Variants in ARL8B observed in about 807,000 individuals in gnomAD.
ARL8B encodes the protein ADP-ribosylation factor-like protein 8B.
A neutral mutation model predicts 30.6 loss-of-function variants in ARL8B; 9 were observed. The observed-to-expected ratio is 0.29, with a 90% CI of 0.18 to 0.51. The LOEUF is 0.51. Among genes scored for constraint, ARL8B ranks in the 20% least tolerant of loss-of-function variants. The pLI is 0.97. For missense variants in ARL8B, 130 were observed against 227.2 expected, an observed-to-expected ratio of 0.57 and a Z score of 2.75; for synonymous variants, 74 against 76.0, an observed-to-expected ratio of 0.97 and a Z score of 0.14.
intron 1 of ARL8B, among the ~76,000 whole-genome samples, chr3:5,163,236 C>T (rs1380734211): frequency 6.6e-6 from 1 of 152,100 alleles, no homozygotes; most frequent in Non-Finnish European, 1.5e-5. Context: ...ATCCGCCCGC[C>T]TCAGCCTCGA....
In ARL8B at chr3:5,155,085, T is replaced by C. The variant is rs76094576; in HGVS notation, c.124-15418T>C. ...CTGCAGAATTCCCTTTATTTTATCTTACAGGTCAGGTCTAGTAGTAATTTC... is the reference window on the plus strand; with the variant it reads ...CTGCAGAATTCCCTTTATTTTATCTCACAGGTCAGGTCTAGTAGTAATTTC... On this transcript the variant is annotated intron_variant, in intron 1 of 6. Coordinates refer to ENST00000256496, the MANE Select transcript of ARL8B (RefSeq NM_018184.3). Among the ~76,000 whole-genome samples the C allele has an allele frequency of 8.8e-3, 1,347 of 152,356 alleles. 18 individuals carry two copies. Among genetic ancestry groups the C allele is most frequent in the African/African-American group, 0.03 (1,265 of 41,576 alleles).
chr3:5,145,726 A>G (rs1359794817), intron 1 of ARL8B, among the ~76,000 whole-genome samples: 2 of 152,226 alleles, frequency 1.3e-5, no homozygotes, highest in Non-Finnish European at 2.9e-5. Flanking sequence ...TTTCAGATAC[A>G]CAATCTTTGT....
At chr3:5,168,118 AT>A (rs2054639870) in intron 1 of ARL8B, among the ~76,000 whole-genome samples, 1 of 152,148 alleles carries the variant, frequency 6.6e-6, no homozygotes, top group Admixed American at 6.5e-5. Context: ...CAGTGGCACA[AT>A]CTTGTCTTAA....
intron 1 of ARL8B, among the ~76,000 whole-genome samples, chr3:5,138,315 T>C (rs1036429505): frequency 6.6e-6 from 1 of 152,152 alleles, no homozygotes; most frequent in South Asian, 2.1e-4. Context: ...TTTGTACAAA[T>C]AATGACTCTC....
At chr3:5,159,027 G>A (rs1188794752) in intron 1 of ARL8B, among the ~76,000 whole-genome samples, 1 of 152,000 alleles carries the variant, frequency 6.6e-6, no homozygotes, top group Non-Finnish European at 1.5e-5. Flanking sequence ...GGGAGGCCAA[G>A]GTTGGAGGAT....
intron 1 of ARL8B, chr3:5,156,847 C>T (rs76851757): frequency 0.075 from 11,404 of 152,378 alleles, 483 homozygotes; most frequent in East Asian, 0.13. Context: ...CCTGCCTCCC[C>T]GCCCCCAGCC....
At chr3:5,126,105 G>A (rs1045777114) in intron 1 of ARL8B, among the ~76,000 whole-genome samples, 2 of 147,392 alleles carry the variant, frequency 1.4e-5, no homozygotes, top group African/African-American at 2.6e-5. Flanking sequence ...GACCCCCTCA[G>A]TGAATTTCAT....
chr3:5,178,769 G>C lies in ARL8B; in HGVS notation c.*56G>C, dbSNP rs115131604. The C allele has an allele frequency of 1.2e-6, 2 of 1,607,844 alleles. No homozygotes were observed. The highest frequency in any genetic ancestry group is 1.7e-6 in the Non-Finnish European group (2 of 1,179,002). On this transcript the variant is annotated 3_prime_UTR_variant, in exon 7 of 7. Coordinates refer to ENST00000256496, the MANE Select transcript of ARL8B (RefSeq NM_018184.3). ...GGCTATAATCCTAGAATTATTGTCC[G>C]TTCCTCTGAAGTAATTCCCAGAATA...
chr3:5,172,546 T>G, intron 3 of ARL8B, 101 bp from the exon 4 acceptor site: 1 of 824,592 alleles, frequency 1.2e-6, no homozygotes, highest in East Asian at 2.7e-5. Context: ...GGTTAATAAT[T>G]TCAATAATGT....
At chr3:5,176,186 A>G (rs532212436) in intron 6 of ARL8B, among the ~76,000 whole-genome samples, 13 of 152,198 alleles carry the variant, frequency 8.5e-5, no homozygotes, top group Middle Eastern at 3.4e-3. Context: ...ATTCCAGTCT[A>G]TCCTTCCCTA....
chr3:5,160,634 G>A (rs889949005), intron 1 of ARL8B, among the ~76,000 whole-genome samples: 1 of 152,172 alleles, frequency 6.6e-6, no homozygotes, highest in Admixed American at 6.5e-5. Flanking sequence ...GAATTGGAAC[G>A]ACAGCATGTA....
intron 1 of ARL8B, among the ~76,000 whole-genome samples, chr3:5,168,047 C>T (rs1377291885): frequency 1.4e-5 from 2 of 147,792 alleles, no homozygotes; most frequent in South Asian, 2.1e-4. Context: ...CAGCATTTTC[C>T]TCCTTCATGG....
At chr3:5,135,662 T>C (rs868523982) in intron 1 of ARL8B, among the ~76,000 whole-genome samples, 1 of 151,928 alleles carries the variant, frequency 6.6e-6, no homozygotes, top group Non-Finnish European at 1.5e-5. Flanking sequence ...TTTCACCATA[T>C]TGTCCAGGCT....
At position 5,122,629 on chromosome 3, in the gene ARL8B, A is replaced by G. The variant is rs113092227; in HGVS notation, c.123+41A>G. 6.2e-4 allele frequency: 980 copies of G among 1,570,014 alleles called. 2 individuals carry two copies. Among genetic ancestry groups the G allele is most frequent in the Admixed American group, 2.2e-3 (123 of 56,108 alleles). The stretch of plus-strand genomic sequence containing the variant: ...CTCACTCGCCCGGGGCTCCGCAGCC[A>G]GGAGTCCGGCCCGGCGCTTCTCCAA... On this transcript the variant is annotated intron_variant, in intron 1 of 6. Coordinates refer to ENST00000256496, the MANE Select transcript of ARL8B (RefSeq NM_018184.3).
chr3:5,162,444 A>C (rs1156243558), intron 1 of ARL8B, among the ~76,000 whole-genome samples: 1 of 152,172 alleles, frequency 6.6e-6, no homozygotes, highest in African/African-American at 2.4e-5. Context: ...ATTGTTGTAC[A>C]TTGTGTCAGT....
intron 1 of ARL8B, among the ~76,000 whole-genome samples, chr3:5,135,763 T>TATTATC (rs1486720082): frequency 2.1e-5 from 1 of 46,948 alleles, no homozygotes; most frequent in Non-Finnish European, 3.5e-5. Flanking sequence ...GGCCTATTAT[T>TATTATC]ATTATTATTA....
At chr3:5,160,432 A>G (rs1007379327) in intron 1 of ARL8B, among the ~76,000 whole-genome samples, 5 of 152,222 alleles carry the variant, frequency 3.3e-5, no homozygotes, top group Non-Finnish European at 7.3e-5. Flanking sequence ...TAATCTTTAG[A>G]GACCTTTTAA....
rs1278886906 is a variant in ARL8B at position 5,180,252 on chromosome 3, C to A, written c.*1539C>A. ...TATACTGCACTGTGTTGCACAGACA[C>A]TACTTGCTTTTCTCCATTCATATTT... On this transcript the variant is annotated 3_prime_UTR_variant, in exon 7 of 7. Transcript: ENST00000256496. 2.0e-5 allele frequency: 3 copies of A among 152,656 alleles called. No individual in the cohort carries two copies. Among genetic ancestry groups the A allele is most frequent in the African/African-American group, 7.2e-5 (3 of 41,474 alleles). The allele number at this position is 152,656 out of a possible 1,614,324, so 9.5% of individuals were successfully genotyped here.
At chr3:5,166,042 CTTT>C (rs760445533) in intron 1 of ARL8B, among the ~76,000 whole-genome samples, 6 of 140,590 alleles carry the variant, frequency 4.3e-5, no homozygotes, top group Admixed American at 7.2e-5. Context: ...CTTAAGATAT[CTTT>C]TTTTTTTTTT....
Sources: allele counts gnomAD v4.1 joint callset (sites outside exome capture counted in the v4.1 genomes callset), GRCh38; gene constraint gnomAD v4.1.1; transcripts MANE v1.5; gene names NCBI Gene and HGNC (gene_info 2026-07-23, HGNC 2026-07-21).